Variants in TLN2 observed in about 807,000 individuals in gnomAD.
TLN2 encodes talin 2.
In TLN2, 118 loss-of-function variants were observed where a neutral mutation model predicts 294.7. The observed-to-expected ratio is 0.40, with a 90% confidence interval of 0.34 to 0.47. The LOEUF (loss-of-function observed/expected upper bound fraction) is 0.47, where lower values mean the gene tolerates loss of function less well. TLN2 is among the 20% of genes least tolerant of loss of function. TLN2 has a pLI of 0.84. For missense variants in TLN2, 3,083 were observed against 3,282.2 expected (o/e 0.94, Z 1.48); for synonymous variants, 1,431 against 1,304.5 (o/e 1.10, Z -2.09).
intron 57 of TLN2, among the ~76,000 whole-genome samples, chr15:62,837,555 C>T (rs995405525): frequency 6.6e-6 from 1 of 152,150 alleles, no homozygotes; most frequent in Non-Finnish European, 1.5e-5. Context: ...CTCTTGTTCC[C>T]ATCATTACCG....
chr15:62,461,605 C>A (rs538862384), intron 1 of TLN2, among the ~76,000 whole-genome samples: 1 of 152,304 alleles, frequency 6.6e-6, no homozygotes, highest in South Asian at 2.1e-4. Context: ...TCACTGCGGG[C>A]CAGGCTCTGG....
At chr15:62,428,053 A>T (rs1231157039) in intron 1 of TLN2, among the ~76,000 whole-genome samples, 1 of 152,126 alleles carries the variant, frequency 6.6e-6, no homozygotes, top group Non-Finnish European at 1.5e-5. Flanking sequence ...TCTGTTCTTG[A>T]ACATTCATCA....
intron 9 of TLN2, among the ~76,000 whole-genome samples, chr15:62,669,435 C>G (rs916250910): frequency 6.6e-6 from 1 of 152,188 alleles, no homozygotes; most frequent in African/African-American, 2.4e-5. Context: ...ACTAACTTTA[C>G]TGGAATAGAG....
intron 1 of TLN2, among the ~76,000 whole-genome samples, chr15:62,425,266 A>G (rs1189173566): frequency 1.3e-5 from 2 of 152,054 alleles, no homozygotes; most frequent in African/African-American, 4.8e-5. Flanking sequence ...ATTTGTCTTA[A>G]AAGCTTCCCA....
chr15:62,698,436 C>T (rs1391256486), intron 15 of TLN2, among the ~76,000 whole-genome samples: 2 of 152,172 alleles, frequency 1.3e-5, no homozygotes, highest in African/African-American at 4.8e-5. Flanking sequence ...TGAGGAGGTC[C>T]TCAGTACTCA....
chr15:62,647,081 T>C (rs779479877), intron 3 of TLN2, among the ~76,000 whole-genome samples, 194 bp from the exon 4 acceptor site: 2 of 152,202 alleles, frequency 1.3e-5, no homozygotes, highest in Non-Finnish European at 2.9e-5. Flanking sequence ...CAATATGCTG[T>C]TGTTGTCCTC....
At chr15:62,605,230 A>G (rs1043850991) in intron 2 of TLN2, among the ~76,000 whole-genome samples, 2 of 152,240 alleles carry the variant, frequency 1.3e-5, no homozygotes, top group Non-Finnish European at 2.9e-5. Flanking sequence ...AAATTGGGCA[A>G]TACTATAGTT....
rs144904293 is a variant in TLN2, at chr15:62,432,529, T to C, written c.-238+41844T>C. Among the ~76,000 whole-genome samples the C allele has an allele frequency of 6.6e-4, 100 of 152,328 alleles. No individual in the cohort carries two copies. In the Middle Eastern group the frequency reaches 0.01, roughly 16 times the overall value. On this transcript the variant is annotated intron_variant, in intron 1 of 58. Transcript: ENST00000636159. ...TGCATTGGGGATTGTTTCTAACATATGAATTTTGGATCGTACACAGGGTAC... is the reference window on the plus strand; with the variant it reads ...TGCATTGGGGATTGTTTCTAACATACGAATTTTGGATCGTACACAGGGTAC...
chr15:62,470,023 C>G (rs997373154), intron 1 of TLN2, among the ~76,000 whole-genome samples: 1 of 152,120 alleles, frequency 6.6e-6, no homozygotes, highest in South Asian at 2.1e-4. Context: ...TGACTCAAAA[C>G]AATAGCTTTA....
intron 45 of TLN2, among the ~76,000 whole-genome samples, chr15:62,787,690 T>C (rs1009798566): frequency 5.1e-5 from 7 of 138,354 alleles, no homozygotes; most frequent in Non-Finnish European, 1.1e-4. Context: ...TTAAACTCCT[T>C]ATCTTTTTTT....
intron 1 of TLN2, among the ~76,000 whole-genome samples, chr15:62,491,209 C>T (rs2038687311): frequency 6.6e-6 from 1 of 151,942 alleles, no homozygotes; most frequent in Admixed American, 6.5e-5. Context: ...ATAATCCCAG[C>T]TACTTGGGAG....
rs1045059391 is a variant in TLN2 at position 62,844,106 on chromosome 15, C to G, written c.*3496C>G. ...CTAAAAGGCAGCGGTCCCCAGAGTT[C>G]AGAAAGCAAAAGATCTTGACAACTG... On this transcript the variant is annotated 3_prime_UTR_variant, in exon 59 of 59. Transcript: ENST00000636159. The G allele has an allele frequency of 2.6e-5, 4 of 152,262 alleles. No individual in the cohort carries two copies. Among genetic ancestry groups the G allele is most frequent in the African/African-American group, 9.7e-5 (4 of 41,424 alleles). 9.4% of individuals were successfully genotyped at this position (152,262 alleles called of 1,614,324 possible).
At chr15:62,710,179 A>G (rs2059334629) in intron 21 of TLN2, among the ~76,000 whole-genome samples, 1 of 152,254 alleles carries the variant, frequency 6.6e-6, no homozygotes, top group South Asian at 2.1e-4. Flanking sequence ...TTTTACAAAA[A>G]TACTACAATA....
At chr15:62,636,252 AG>A (rs1404614519) in intron 3 of TLN2, among the ~76,000 whole-genome samples, 1 of 38,318 alleles carries the variant, frequency 2.6e-5, no homozygotes, top group Non-Finnish European at 5.4e-5. Context: ...ATACTGTAAT[AG>A]ATAGATAGAT....
chr15:62,597,639 G>C (rs1227167972), intron 2 of TLN2, among the ~76,000 whole-genome samples: 4 of 152,130 alleles, frequency 2.6e-5, no homozygotes, highest in Non-Finnish European at 2.9e-5. Flanking sequence ...GAAAGCTCGT[G>C]ATTACTACAG....
chr15:62,513,725 C>T (rs1194930), intron 1 of TLN2, among the ~76,000 whole-genome samples: 6,418 of 152,246 alleles, frequency 0.042, 455 homozygotes, highest in African/African-American at 0.15. Flanking sequence ...CAGTAAATGC[C>T]AGATCCTTCT....
At position 62,654,754 on chromosome 15, in the gene TLN2, C is replaced by CAAAAA. The variant is rs59006343; in HGVS notation, c.518-1166_518-1162dup. On this transcript the variant is annotated intron_variant, in intron 7 of 58. Coordinates refer to ENST00000636159, the MANE Select transcript of TLN2 (RefSeq NM_015059.3). ...TGGGTGACAGAGCGTGACTCTGCCT[C>CAAAAA]AAAAAAAAAAAAAAAAAAAAAAAAA... is the stretch of plus-strand genomic sequence containing the variant. 3.0e-4 allele frequency among the ~76,000 whole-genome samples: 10 copies of CAAAAA among 33,854 alleles called. 1 individual carries two copies. The highest frequency in any genetic ancestry group is 5.0e-4 in the Non-Finnish European group (10 of 19,844). The allele number at this position is 33,854 out of a possible 152,430, so 22.2% of individuals were successfully genotyped here.
chr15:62,607,005 C>G (rs916309149), intron 2 of TLN2, among the ~76,000 whole-genome samples: 1 of 152,176 alleles, frequency 6.6e-6, no homozygotes, highest in Non-Finnish European at 1.5e-5. Flanking sequence ...TCACCACCAC[C>G]GCTGCCTGTA....
intron 11 of TLN2, among the ~76,000 whole-genome samples, chr15:62,676,935 C>G (rs1327903360): frequency 6.6e-6 from 1 of 152,302 alleles, no homozygotes; most frequent in Admixed American, 6.5e-5. Flanking sequence ...AGTGAGAACA[C>G]AGAGCCCCAG....
Sources: allele counts gnomAD v4.1 joint callset (sites outside exome capture counted in the v4.1 genomes callset), GRCh38; gene constraint gnomAD v4.1.1; transcripts MANE v1.5; gene names NCBI Gene and HGNC (gene_info 2026-07-23, HGNC 2026-07-21).